Variants in SALL2 observed in about 807,000 individuals in gnomAD.
The protein encoded by SALL2 is sal-like protein 2.
In SALL2, 32 loss-of-function variants were observed where a neutral mutation model predicts 58.5. That is an observed-to-expected ratio of 0.55 (90% CI 0.41 to 0.74). SALL2 has a LOEUF of 0.74. Ranked by LOEUF, SALL2 falls within the 30% of genes least tolerant of loss-of-function variation. SALL2 has a pLI of 0.00. For missense variants in SALL2, 1,201 were observed against 1,268.9 expected (o/e 0.95, Z 0.81); for synonymous variants, 516 against 513.6 (o/e 1.00, Z -0.06).
At chr14:21,533,688 T>G (rs1328699448) in intron 1 of SALL2, among the ~76,000 whole-genome samples, 1 of 152,132 alleles carries the variant, frequency 6.6e-6, no homozygotes, top group Non-Finnish European at 1.5e-5. Flanking sequence ...TAGGTTTTGA[T>G]GCTCTGGTTA....
At chr14:21,527,872 C>T (rs753991789), upstream of SALL2, among the ~76,000 whole-genome samples, 24 of 151,344 alleles carry the variant, frequency 1.6e-4, no homozygotes, top group Non-Finnish European at 3.1e-4. Flanking sequence ...AAAAAAAAGC[C>T]GGGCGCGGTG....
rs1305148780 is a variant in SALL2 at position 21,521,882 on chromosome 14, G to C, written c.*822C>G. 2 of 1,212,866 alleles carry C rather than the reference G, an allele frequency of 1.6e-6. No individual in the cohort carries two copies. The highest frequency in any genetic ancestry group is 3.1e-5 in the African/African-American group (2 of 65,484). The allele number at this position is 1,212,866 out of a possible 1,614,324, so 75.1% of individuals were successfully genotyped here. On this transcript the variant is annotated 3_prime_UTR_variant, in exon 2 of 2. Coordinates refer to ENST00000537235, the MANE Select transcript of SALL2 (RefSeq NM_001364564.1). ...TAATGTGACCATCAGGGGATTTACT[G>C]GGAAAATTTTCCTATGCCCTTCCTT...
chr14:21,535,201 C>T (rs756611751), intron 1 of SALL2, among the ~76,000 whole-genome samples: 5 of 151,794 alleles, frequency 3.3e-5, no homozygotes, highest in Non-Finnish European at 5.9e-5. Context: ...AAAAATTAGC[C>T]CGGCGTGGTG....
At position 21,525,730 on chromosome 14, in the gene SALL2, G is replaced by A. The variant is rs1892276737; in HGVS notation, c.68-76C>T. The A allele has an allele frequency of 6.8e-7, 1 of 1,469,858 alleles. No homozygotes were observed. The highest frequency in any genetic ancestry group is 9.1e-7 in the Non-Finnish European group (1 of 1,099,660). 91.1% of individuals were successfully genotyped at this position (1,469,858 alleles called of 1,614,324 possible). ...ATACCGAGGCTCTAATTAACAAGGA[G>A]GCCAGTAACCGCTAGTTGGGGGTGG... is the stretch of plus-strand genomic sequence containing the variant. On this transcript the variant is annotated intron_variant, in intron 1 of 1. Transcript: ENST00000537235. This position sits in a 1 kb window ranked among gnomAD's most constrained non-coding sequence, Gnocchi z 4.4.
intron 1 of SALL2, among the ~76,000 whole-genome samples, chr14:21,534,986 G>A (rs1159506309): frequency 2.0e-5 from 3 of 152,190 alleles, no homozygotes; most frequent in Admixed American, 1.3e-4. Context: ...GGAAAGGCAA[G>A]TTTAATCTAC....
In SALL2 at chr14:21,523,678, T is replaced by G. The variant is rs765306917; in HGVS notation, c.2044A>C (p.Ser682Arg). ...LRAHFVGHKA[S>R]PAARAQNSCP... Reference sequence around the variant, plus strand: ...GAATTCTGTGCCCGGGCAGCTGGACTGGCCTTGTGGCCCACGAAATGTGCA... The same window carrying G: ...GAATTCTGTGCCCGGGCAGCTGGACGGGCCTTGTGGCCCACGAAATGTGCA... Residue 682 changes from serine (S) to arginine (R), a missense_variant, in exon 2 of 2, where the codon AGT becomes CGT. Physicochemically the swap from Ser to Arg is moderately radical, Grantham distance 110. Around this residue, in one of 3 missense-constraint regions of SALL2, gnomAD observed 675 missense variants for 683.8 expected, o/e 0.99. Transcript: ENST00000537235. The surrounding 1 kb of genome is among the most constrained non-coding windows in gnomAD (Gnocchi z 4.4). 6 of 1,614,230 alleles carry G rather than the reference T, an allele frequency of 3.7e-6. No homozygotes were observed. In the South Asian group the frequency reaches 6.6e-5, roughly 18 times the overall value.
rs1236409049 is a variant in SALL2 at position 21,526,088 on chromosome 14, G to A, written c.40C>T (p.Pro14Ser). Residue 14 changes from proline to serine, a missense_variant, in exon 1 of 2, where the codon CCC becomes TCC. Physicochemically the swap from Pro to Ser is moderately conservative, Grantham distance 74. Coordinates refer to ENST00000537235, the MANE Select transcript of SALL2 (RefSeq NM_001364564.1). Reference sequence around the variant, plus strand: ...CCGAGCTCTGCCGGCTCCCCGCAGGGCACCCCGAGACGAGAGCTCCTCTCG... The same window carrying A: ...CCGAGCTCTGCCGGCTCCCCGCAGGACACCCCGAGACGAGAGCTCCTCTCG... ...ESERSSRLGV[P>S]CGEPAELGGD... The A allele has an allele frequency of 1.3e-6, 2 of 1,537,306 alleles. No homozygotes were observed. Among genetic ancestry groups the A allele is most frequent in the Non-Finnish European group, 1.7e-6 (2 of 1,147,552 alleles).
upstream of SALL2, among the ~76,000 whole-genome samples, chr14:21,528,138 C>CAA (rs34420452): frequency 4.5e-5 from 5 of 111,880 alleles, no homozygotes; most frequent in African/African-American, 1.5e-4. Flanking sequence ...AACTGCGTCT[C>CAA]AAAAAAAAAA....
rs756497430 is a variant in SALL2 at position 21,523,865 on chromosome 14, T to C, written c.1857A>G (p.Ala619=). The C allele has an allele frequency of 6.2e-7, 1 of 1,614,106 alleles. No homozygotes were observed. The highest frequency in any genetic ancestry group is 2.2e-5 in the East Asian group (1 of 44,888). The part of the protein sequence containing the change: ...ASGAPTTSAP[A]PSSSASSGPN... ...GTCCAGAAGAGGCTGAGGATGAAGG[T>C]GCAGGGGCAGAGGTGGTGGGGGCTC... is the stretch of plus-strand genomic sequence containing the variant. The change falls in exon 2 of 2, where the codon GCA becomes GCG. Residue 619 remains alanine, a synonymous_variant. Transcript: ENST00000537235. This position sits in a 1 kb window ranked among gnomAD's most constrained non-coding sequence, Gnocchi z 4.4.
chr14:21,522,263 C>T lies in SALL2; in HGVS notation c.*441G>A. On this transcript the variant is annotated 3_prime_UTR_variant, in exon 2 of 2. Coordinates refer to ENST00000537235, the MANE Select transcript of SALL2 (RefSeq NM_001364564.1). ...ACTGGTTCTAGAAAGATAGGGGACC[C>T]ATACCCACCAGCTGAGCAGAAAGGT... 6.4e-7 allele frequency: 1 copy of T among 1,570,288 alleles called. No individual in the cohort carries two copies.
At chr14:21,526,001 C>A in intron 1 of SALL2, 60 bp downstream of exon 1, 1 of 1,389,790 alleles carries the variant, frequency 7.2e-7, no homozygotes, top group Non-Finnish European at 9.9e-7. Context: ...AAAGTCTTCG[C>A]CGCCCCTGCG....
rs1195997266 is a variant in SALL2, at chr14:21,522,242, G to C, written c.*462C>G. On this transcript the variant is annotated 3_prime_UTR_variant, in exon 2 of 2. Coordinates refer to ENST00000537235, the MANE Select transcript of SALL2 (RefSeq NM_001364564.1). Reference sequence around the variant, plus strand: ...CATTTGACAGGAATGCCACATACTGGTTCTAGAAAGATAGGGGACCCATAC... The same window carrying C: ...CATTTGACAGGAATGCCACATACTGCTTCTAGAAAGATAGGGGACCCATAC... The C allele has an allele frequency of 1.3e-6, 2 of 1,590,282 alleles. No individual in the cohort carries two copies. Among genetic ancestry groups the C allele is most frequent in the South Asian group, 2.2e-5 (2 of 89,442 alleles).
chr14:21,526,483 C>G, upstream of SALL2: 1 of 1,258,382 alleles, frequency 7.9e-7, no homozygotes, highest in Non-Finnish European at 1.0e-6. Flanking sequence ...TTTCCGGAGG[C>G]GCAGTGACAG....
rs200879686 is a variant in SALL2 at position 21,523,388 on chromosome 14, T to G, written c.2334A>C (p.Glu778Asp). The G allele has an allele frequency of 1.2e-6, 2 of 1,613,754 alleles. No homozygotes were observed. Among genetic ancestry groups the G allele is most frequent in the Non-Finnish European group, 1.7e-6 (2 of 1,180,020 alleles). ...DEEEEEDVTD[E>D]DSLAGRGSES... The stretch of plus-strand genomic sequence containing the variant: ...CTGAGCCTCTCCCTGCCAGGGAATC[T>G]TCATCAGTCACATCTTCCTCTTCTT... Residue 778 changes from glutamate (E) to aspartate (D), a missense_variant, in exon 2 of 2, where the codon GAA (glutamate) becomes GAC (aspartate). Coordinates refer to ENST00000537235, the MANE Select transcript of SALL2 (RefSeq NM_001364564.1). The surrounding 1 kb of genome is among the most constrained non-coding windows in gnomAD (Gnocchi z 4.4).
chr14:21,534,529 A>T (rs1318336756), intron 1 of SALL2, among the ~76,000 whole-genome samples: 1 of 152,136 alleles, frequency 6.6e-6, no homozygotes, highest in African/African-American at 2.4e-5. Flanking sequence ...AATCCATTCA[A>T]GACAGCCGCT....
At chr14:21,527,905 TG>T (rs1892365329), upstream of SALL2, among the ~76,000 whole-genome samples, 1 of 151,296 alleles carries the variant, frequency 6.6e-6, no homozygotes, top group South Asian at 2.1e-4. Context: ...CCCAGCACTT[TG>T]GGAGGTGGGC....
At chr14:21,536,417 CAG>C (rs369448691) in intron 1 of SALL2, among the ~76,000 whole-genome samples, 12 of 152,252 alleles carry the variant, frequency 7.9e-5, no homozygotes, top group African/African-American at 2.9e-4. Context: ...TCGTCTCCCT[CAG>C]GGGAGCCTTC....
chr14:21,526,610 G>T, upstream of SALL2: 1 of 585,732 alleles, frequency 1.7e-6, no homozygotes, highest in South Asian at 5.0e-5. Context: ...CTAAGCTCTA[G>T]GGGCACAGTG....
chr14:21,524,069 C>G lies in SALL2; in HGVS notation c.1653G>C (p.Leu551Phe). The G allele has an allele frequency of 6.2e-7, 1 of 1,614,138 alleles. No homozygotes were observed. The highest frequency in any genetic ancestry group is 8.5e-7 in the Non-Finnish European group (1 of 1,179,990). Residue 551 changes from leucine (L) to phenylalanine (F), a missense_variant, in exon 2 of 2, where the codon TTG (leucine) becomes TTC (phenylalanine). Physicochemically the swap from Leu to Phe is conservative, Grantham distance 22. Around this residue, in one of 3 missense-constraint regions of SALL2, gnomAD observed 675 missense variants for 683.8 expected, o/e 0.99. Coordinates refer to ENST00000537235, the MANE Select transcript of SALL2 (RefSeq NM_001364564.1). ...STATRMQLSK[L>F]VTSLPSWALL... ...GTGCCCAGCTTGGTAGTGAAGTCACCAACTTACTTAGTTGCATGCGAGTTG... is the reference window on the plus strand; with the variant it reads ...GTGCCCAGCTTGGTAGTGAAGTCACGAACTTACTTAGTTGCATGCGAGTTG...
Sources: allele counts gnomAD v4.1 joint callset (sites outside exome capture counted in the v4.1 genomes callset), GRCh38; gene constraint gnomAD v4.1.1; regional missense constraint gnomAD v4.1.1; non-coding constraint Gnocchi (gnomAD v3.1); transcripts MANE v1.5; gene names NCBI Gene and HGNC (gene_info 2026-07-23, HGNC 2026-07-21).